RNF144A: variants seen among roughly 807,000 people sequenced by gnomAD.
The protein encoded by RNF144A is ring finger protein 144A.
A neutral mutation model predicts 38.7 loss-of-function variants in RNF144A; 11 were observed. The ratio of observed to expected loss-of-function variants is 0.28; its 90% CI spans 0.18 to 0.47. RNF144A has a LOEUF of 0.47. Ranked by LOEUF, RNF144A falls within the 20% of genes least tolerant of loss-of-function variation. The pLI is 0.99. For synonymous variants in RNF144A, 149 were observed against 143.9 expected, an observed-to-expected ratio of 1.04 and a Z score of -0.25; for missense variants, 316 against 377.2, an observed-to-expected ratio of 0.84 and a Z score of 1.34.
rs946874901 is a variant in RNF144A at position 6,943,191 on chromosome 2, A to G, written c.-12+2044A>G. Among the ~76,000 whole-genome samples, 2 of 152,216 alleles carry G rather than the reference A, an allele frequency of 1.3e-5. No homozygotes were observed. Among genetic ancestry groups the G allele is most frequent in the African/African-American group, 4.8e-5 (2 of 41,448 alleles). On this transcript the variant is annotated intron_variant, in intron 2 of 8. Coordinates refer to ENST00000320892, the MANE Select transcript of RNF144A (RefSeq NM_014746.6). The surrounding 1 kb of genome is among the most constrained non-coding windows in gnomAD (Gnocchi z 4.3). ...CAGATGAGATCCCCAGTGAAAGAAGAGAGGAGTTGTAAGGACTGGGCCCTG... is the reference window on the plus strand; with the variant it reads ...CAGATGAGATCCCCAGTGAAAGAAGGGAGGAGTTGTAAGGACTGGGCCCTG...
chr2:7,016,565 ATCTC>A (rs1006845502), intron 5 of RNF144A, among the ~76,000 whole-genome samples: 1 of 151,434 alleles, frequency 6.6e-6, no homozygotes, highest in African/African-American at 2.4e-5. Flanking sequence ...AAAAAAAAAA[ATCTC>A]TCAAGCCTCT....
At chr2:6,969,589 G>T (rs1667872636) in intron 2 of RNF144A, among the ~76,000 whole-genome samples, 1 of 152,206 alleles carries the variant, frequency 6.6e-6, no homozygotes, top group Non-Finnish European at 1.5e-5. Flanking sequence ...TTTAATAAAA[G>T]TACAGGCTGA....
chr2:6,954,093 A>G (rs1019501535), intron 2 of RNF144A, among the ~76,000 whole-genome samples: 1 of 151,802 alleles, frequency 6.6e-6, no homozygotes, highest in African/African-American at 2.4e-5. Context: ...AATTTATCCA[A>G]TTTCTTATAC....
intron 1 of RNF144A, among the ~76,000 whole-genome samples, chr2:6,924,171 A>G (rs1192595835): frequency 6.6e-6 from 1 of 152,226 alleles, no homozygotes; most frequent in African/African-American, 2.4e-5. Flanking sequence ...TGGGTTTAAG[A>G]GTGAGGATGG....
At chr2:6,968,424 G>A (rs1353033692) in intron 2 of RNF144A, among the ~76,000 whole-genome samples, 3 of 152,240 alleles carry the variant, frequency 2.0e-5, no homozygotes, top group Non-Finnish European at 4.4e-5. Flanking sequence ...GGTGCAGCTG[G>A]CTTTGCCAGT....
chr2:7,005,917 C>CTTTT (rs35114772), intron 3 of RNF144A, among the ~76,000 whole-genome samples: 1 of 140,370 alleles, frequency 7.1e-6, no homozygotes, highest in Admixed American at 7.1e-5. Flanking sequence ...ATCTGCCACT[C>CTTTT]TTTTTTTTTT....
intron 2 of RNF144A, among the ~76,000 whole-genome samples, chr2:6,990,675 A>AT (rs1669307087): frequency 6.6e-6 from 1 of 151,884 alleles, no homozygotes; most frequent in African/African-American, 2.4e-5. Context: ...CTGCATACAA[A>AT]TTTGCCAGGG....
At position 7,040,062 on chromosome 2, in the gene RNF144A, C is replaced by T; in HGVS notation, c.*302C>T. ...AGCTTTCTCTCTGTGGTAGACTAGG[C>T]ATGTCTGGGGATGGCCTAAGAGACT... On this transcript the variant is annotated 3_prime_UTR_variant, in exon 9 of 9. Transcript: ENST00000320892. 8.2e-6 allele frequency: 9 copies of T among 1,103,626 alleles called. No homozygotes were observed. In the South Asian group the frequency reaches 2.9e-4, roughly 35 times the overall value. The allele number at this position is 1,103,626 out of a possible 1,614,324, so 68.4% of individuals were successfully genotyped here.
At chr2:6,946,520 C>G (rs1316379118) in intron 2 of RNF144A, among the ~76,000 whole-genome samples, 1 of 151,532 alleles carries the variant, frequency 6.6e-6, no homozygotes, top group Non-Finnish European at 1.5e-5. Context: ...AAATATAATA[C>G]CTATAATTGT....
At chr2:6,999,534 G>C (rs529372620) in intron 3 of RNF144A, among the ~76,000 whole-genome samples, 3 of 152,320 alleles carry the variant, frequency 2.0e-5, no homozygotes, top group Admixed American at 2.0e-4. Flanking sequence ...ACAGTTGAGT[G>C]CTGAAGTAAC....
chr2:6,983,912 G>C (rs1166590658), intron 2 of RNF144A, among the ~76,000 whole-genome samples: 1 of 152,204 alleles, frequency 6.6e-6, no homozygotes, highest in Non-Finnish European at 1.5e-5. Flanking sequence ...CACCGATCTT[G>C]AAACTGCACA....
intron 6 of RNF144A, among the ~76,000 whole-genome samples, chr2:7,062,270 T>A (rs902260242): frequency 1.3e-5 from 2 of 152,054 alleles, no homozygotes; most frequent in African/African-American, 4.8e-5. Context: ...TCTCTTGAGG[T>A]CTGGGCTTGA....
At chr2:7,055,498 C>A (rs1192940460) in intron 6 of RNF144A, among the ~76,000 whole-genome samples, 1 of 152,144 alleles carries the variant, frequency 6.6e-6, no homozygotes, top group East Asian at 1.9e-4. Context: ...TGACACTGAC[C>A]TCTTTAGCAC....
chr2:7,030,697 G>T (rs904028124), intron 8 of RNF144A, among the ~76,000 whole-genome samples: 4 of 152,166 alleles, frequency 2.6e-5, no homozygotes, highest in Admixed American at 2.6e-4. Context: ...TTCGTGGAAG[G>T]CAGTTTTTCC....
chr2:6,954,360 T>C lies in RNF144A; in HGVS notation c.-12+13213T>C, dbSNP rs529210194. 2.0e-5 allele frequency among the ~76,000 whole-genome samples: 3 copies of C among 151,484 alleles called. No homozygotes were observed. The East Asian group carries it at 5.8e-4, about 29-fold the overall frequency. ...GATATTTTCCTGTGTGCACAGAAAG[T>C]AAAAAAAAAGAAAGCCTTAAATTCT... On this transcript the variant is annotated intron_variant, in intron 2 of 8. Coordinates refer to ENST00000320892, the MANE Select transcript of RNF144A (RefSeq NM_014746.6).
chr2:7,046,951 A>G (rs147135750), downstream of RNF144A, among the ~76,000 whole-genome samples: 856 of 152,348 alleles, frequency 5.6e-3, 4 homozygotes, highest in Middle Eastern at 0.027. Context: ...TTTTTACTGC[A>G]CAAGAAAGAT....
chr2:7,063,148 C>G (rs548949251), intron 6 of RNF144A, among the ~76,000 whole-genome samples: 1 of 152,196 alleles, frequency 6.6e-6, no homozygotes, highest in South Asian at 2.1e-4. Flanking sequence ...AATTATGAAG[C>G]TCCTAACACA....
At chr2:6,963,790 C>T (rs189530861) in intron 2 of RNF144A, among the ~76,000 whole-genome samples, 4 of 152,250 alleles carry the variant, frequency 2.6e-5, no homozygotes, top group Admixed American at 6.5e-5. Context: ...GAGCTGGGGA[C>T]GTCAAAAATG....
At chr2:7,028,431 C>T (rs1283008216) in intron 7 of RNF144A, among the ~76,000 whole-genome samples, 5 of 152,286 alleles carry the variant, frequency 3.3e-5, no homozygotes, top group Admixed American at 2.6e-4. Flanking sequence ...CCTCAGACCT[C>T]GGAGTCAGTA....
Sources: gnomAD v4.1 joint callset for allele counts (sites outside exome capture counted in the v4.1 genomes callset) on GRCh38, gnomAD v4.1.1 for gene constraint, Gnocchi (gnomAD v3.1) non-coding constraint, MANE v1.5 for transcripts, NCBI Gene and HGNC (gene_info 2026-07-23, HGNC 2026-07-21) for gene names.